TRIM33: variants seen among roughly 807,000 people sequenced by gnomAD.
TRIM33 encodes tripartite motif containing 33, also known as E3 ubiquitin-protein ligase TRIM33.
Under a neutral mutation model 125.4 loss-of-function variants are expected in TRIM33, and 20 were observed. The ratio of observed to expected loss-of-function variants is 0.16; its 90% CI spans 0.11 to 0.23. The LOEUF (loss-of-function observed/expected upper bound fraction) is 0.23. Ranked by LOEUF, TRIM33 falls within the 10% of genes least tolerant of loss-of-function variation. TRIM33 has a pLI of 1.00. For synonymous variants in TRIM33, 564 were observed against 513.9 expected (o/e 1.10, Z -1.32); for missense variants, 920 against 1,411.4 (o/e 0.65, Z 5.58).
intron 4 of TRIM33, among the ~76,000 whole-genome samples, chr1:114,437,787 A>T (rs1002654504): frequency 2.6e-4 from 39 of 152,218 alleles, no homozygotes; most frequent in Non-Finnish European, 4.1e-4. Context: ...GAATTATATA[A>T]ACCTGGTAAA....
At chr1:114,443,085 T>A (rs78759234) in intron 4 of TRIM33, among the ~76,000 whole-genome samples, 24 of 151,414 alleles carry the variant, frequency 1.6e-4, no homozygotes, top group South Asian at 1.5e-3. Flanking sequence ...TTTTTTTTTT[T>A]AAATAATGGA....
chr1:114,481,943 TAG>T (rs1651385996), intron 1 of TRIM33, among the ~76,000 whole-genome samples: 1 of 152,012 alleles, frequency 6.6e-6, no homozygotes, highest in Non-Finnish European at 1.5e-5. Context: ...GTATTTTTAG[TAG>T]AGATGGGGTT....
chr1:114,501,285 G>A (rs560694552), intron 1 of TRIM33, among the ~76,000 whole-genome samples: 21 of 152,214 alleles, frequency 1.4e-4, no homozygotes, highest in African/African-American at 3.6e-4. Flanking sequence ...ATGTCAGCCA[G>A]GAAGGACTGC....
chr1:114,498,157 G>A (rs972842100), intron 1 of TRIM33, among the ~76,000 whole-genome samples: 1 of 148,722 alleles, frequency 6.7e-6, no homozygotes, highest in African/African-American at 2.5e-5. Context: ...GTTATATAAT[G>A]GAATTACCAA....
intron 5 of TRIM33, among the ~76,000 whole-genome samples, chr1:114,432,868 T>G (rs1033466654): frequency 2.6e-5 from 4 of 152,258 alleles, no homozygotes; most frequent in Admixed American, 6.5e-5. Context: ...GAGCATCTAC[T>G]ATGTGTCATT....
intron 11 of TRIM33, among the ~76,000 whole-genome samples, chr1:114,421,128 C>T (rs1400800660): frequency 2.6e-5 from 4 of 151,866 alleles, no homozygotes; most frequent in Non-Finnish European, 5.9e-5. Context: ...AGCCAGGCAC[C>T]GAAAGACAAA....
intron 4 of TRIM33, among the ~76,000 whole-genome samples, chr1:114,455,897 G>C (rs967164732): frequency 2.0e-5 from 3 of 152,160 alleles, no homozygotes; most frequent in Admixed American, 2.0e-4. Flanking sequence ...CCAGCAACTG[G>C]GGAACTAAGG....
intron 1 of TRIM33, among the ~76,000 whole-genome samples, chr1:114,509,826 C>A (rs1653230104): frequency 6.6e-6 from 1 of 152,160 alleles, no homozygotes. Flanking sequence ...GTACTTTATT[C>A]AATCCTAGCA....
chr1:114,457,386 C>T (rs1649688309), intron 4 of TRIM33, among the ~76,000 whole-genome samples: 1 of 152,044 alleles, frequency 6.6e-6, no homozygotes, highest in Non-Finnish European at 1.5e-5. Context: ...TGCCATAGTA[C>T]AATGTACAAC....
At chr1:114,410,076 AAGTAGACCTCCT>A in intron 12 of TRIM33, 96 bp downstream of exon 12, 1 of 1,336,226 alleles carries the variant, frequency 7.5e-7, no homozygotes. Flanking sequence ...TTCTCTCTTC[AAGTAGACCTCCT>A]ACTTATTCTG....
chr1:114,409,255 G>C (rs141494645), intron 12 of TRIM33, among the ~76,000 whole-genome samples: 1 of 152,136 alleles, frequency 6.6e-6, no homozygotes, highest in Non-Finnish European at 1.5e-5. Flanking sequence ...CTTCTAGACT[G>C]TTAACCTGTT....
In TRIM33 at chr1:114,424,677, G is replaced by C. The variant is rs1173259751; in HGVS notation, c.1774C>G (p.Leu592Val). ...GGTATTCTGGCAGCATTCTGAGCCA[G>C]TCTCATCTGATGGGCTTGAAAAGCT... Reference protein sequence around the residue: ...CGAFQAHQMRLAQNAARIPGI... With the variant: ...CGAFQAHQMRVAQNAARIPGI... Residue 592 changes from leucine to valine, a missense_variant, in exon 10 of 20, where the codon CTG (leucine) becomes GTG (valine). By Grantham distance (32) the Leu-to-Val change is conservative (BLOSUM62 1). Coordinates refer to ENST00000358465, the MANE Select transcript of TRIM33 (RefSeq NM_015906.4). The C allele has an allele frequency of 2.5e-6, 4 of 1,611,916 alleles. No homozygotes were observed. Among genetic ancestry groups the C allele is most frequent in the Non-Finnish European group, 3.4e-6 (4 of 1,178,828 alleles).
intron 4 of TRIM33, among the ~76,000 whole-genome samples, chr1:114,448,798 G>A (rs1455466894): frequency 6.6e-6 from 1 of 152,136 alleles, no homozygotes; most frequent in Admixed American, 6.6e-5. Flanking sequence ...AGCAGAATGA[G>A]CTGGAGTAAC....
chr1:114,433,091 T>C lies in TRIM33; in HGVS notation c.1040+526A>G, dbSNP rs947837610. Among the ~76,000 whole-genome samples the C allele has an allele frequency of 3.3e-5, 5 of 152,320 alleles. No homozygotes were observed. In the South Asian group the frequency reaches 8.3e-4, roughly 25 times the overall value. ...TTATCAATAAATTTACTTAGAAATA[T>C]ACCAAAGTAGAATACTTTTTAAATA... On this transcript the variant is annotated intron_variant, in intron 5 of 19. Coordinates refer to ENST00000358465, the MANE Select transcript of TRIM33 (RefSeq NM_015906.4).
chr1:114,400,402 C>A (rs933839552), intron 17 of TRIM33, among the ~76,000 whole-genome samples: 4 of 152,172 alleles, frequency 2.6e-5, no homozygotes, highest in Non-Finnish European at 5.9e-5. Context: ...GGGGGTTTCA[C>A]CATGTTGGCC....
intron 10 of TRIM33, among the ~76,000 whole-genome samples, chr1:114,422,483 G>A (rs1647263624): frequency 7.0e-6 from 1 of 142,546 alleles, no homozygotes. Context: ...TTTTGTATGT[G>A]CTCTTTAAAA....
At position 114,405,711 on chromosome 1, in the gene TRIM33, G is replaced by C. The variant is rs775622179; in HGVS notation, c.2467C>G (p.His823Asp). 6.2e-7 allele frequency: 1 copy of C among 1,614,170 alleles called. No individual in the cohort carries two copies. Among genetic ancestry groups the C allele is most frequent in the Non-Finnish European group, 8.5e-7 (1 of 1,180,016 alleles). ...AATGCATCCAATTCACTTTCTAGAT[G>C]CAGGTTGGTTGAGAGAGGTGGTGTC... is the stretch of plus-strand genomic sequence containing the variant. Reference protein sequence around the residue: ...SLTPPLSTNLHLESELDALAS... With the variant: ...SLTPPLSTNLDLESELDALAS... The change falls in exon 15 of 20, where the codon CAT becomes GAT. Residue 823 changes from histidine (H) to aspartate (D), a missense_variant. Around this residue, in one of 8 missense-constraint regions of TRIM33, gnomAD observed 407 missense variants for 589.7 expected, o/e 0.69. Transcript: ENST00000358465.
At chr1:114,415,655 G>A (rs948715865) in intron 11 of TRIM33, among the ~76,000 whole-genome samples, 7 of 151,908 alleles carry the variant, frequency 4.6e-5, no homozygotes, top group Non-Finnish European at 7.4e-5. Flanking sequence ...ACCCTGTTTA[G>A]AAAACTGTCA....
At chr1:114,490,984 T>C (rs915047203) in intron 1 of TRIM33, among the ~76,000 whole-genome samples, 6 of 152,156 alleles carry the variant, frequency 3.9e-5, no homozygotes, top group Non-Finnish European at 8.8e-5. Context: ...AGTAGATTAA[T>C]GGCTGCCTAA....
Sources: gnomAD v4.1 joint callset for allele counts (sites outside exome capture counted in the v4.1 genomes callset) on GRCh38, gnomAD v4.1.1 for gene constraint, gnomAD v4.1.1 regional missense constraint, MANE v1.5 for transcripts, NCBI Gene and HGNC (gene_info 2026-07-23, HGNC 2026-07-21) for gene names.